Variants in TUBGCP2 observed in about 807,000 individuals in gnomAD.
The protein encoded by TUBGCP2 is tubulin gamma complex component 2.
Under a neutral mutation model 92.2 loss-of-function variants are expected in TUBGCP2, and 55 were observed. The observed-to-expected ratio is 0.60, with a 90% confidence interval of 0.48 to 0.75. The LOEUF is 0.75. TUBGCP2 is among the 30% of genes least tolerant of loss of function. TUBGCP2 has a pLI of 0.00. For missense variants in TUBGCP2, 1,093 were observed against 1,188.9 expected, an observed-to-expected ratio of 0.92 and a Z score of 1.19; for synonymous variants, 533 against 505.2, an observed-to-expected ratio of 1.06 and a Z score of -0.74.
chr10:133,282,345 A>G lies in TUBGCP2; in HGVS notation c.2290-3T>C, dbSNP rs1564933831. 1.3e-6 allele frequency: 2 copies of G among 1,583,792 alleles called. No individual in the cohort carries two copies. Among genetic ancestry groups the G allele is most frequent in the East Asian group, 2.3e-5 (1 of 44,204 alleles). On this transcript the variant is annotated splice_polypyrimidine_tract_variant and splice_region_variant and intron_variant, in intron 15 of 17. Coordinates refer to ENST00000252936, the MANE Select transcript of TUBGCP2 (RefSeq NM_006659.4). ...AATTTCATGCTCTGTGTAAATTTCTAGGGGGGGAGAGTCGCAAGGAAATGC... is the reference window on the plus strand; with the variant it reads ...AATTTCATGCTCTGTGTAAATTTCTGGGGGGGGAGAGTCGCAAGGAAATGC...
At position 133,299,412 on chromosome 10, in the gene TUBGCP2, C is replaced by A; in HGVS notation, c.456+15G>T. On this transcript the variant is annotated intron_variant, in intron 4 of 17. Transcript: ENST00000252936. Reference sequence around the variant, plus strand: ...GCTGCAGCATGGAGCCTGTGGACAGCCATGGACGCAGTACCTGCTGCAGCG... The same window carrying A: ...GCTGCAGCATGGAGCCTGTGGACAGACATGGACGCAGTACCTGCTGCAGCG... 6.3e-7 allele frequency: 1 copy of A among 1,578,168 alleles called. No individual in the cohort carries two copies. Among genetic ancestry groups the A allele is most frequent in the Non-Finnish European group, 8.6e-7 (1 of 1,165,632 alleles).
Position 133,292,753 on chromosome 10 carries a change from C to T in TUBGCP2, c.1025-65G>A, listed in dbSNP as rs796293694. 7.6e-5 allele frequency: 116 copies of T among 1,532,404 alleles called. 1 individual carries two copies. The South Asian group carries it at 1.4e-3, about 18-fold the overall frequency. The allele number at this position is 1,532,404 out of a possible 1,614,324, so 94.9% of individuals were successfully genotyped here. A position where few individuals can be genotyped will look rare whatever the true frequency, so the allele number is the denominator to read the frequency against. The stretch of plus-strand genomic sequence containing the variant: ...GCACGCCCAGCCTCTGCCAACAACA[C>T]TGCTGGGGCCCCTCATGCTTCTCCA... On this transcript the variant is annotated intron_variant, in intron 7 of 17. Coordinates refer to ENST00000252936, the MANE Select transcript of TUBGCP2 (RefSeq NM_006659.4).
chr10:133,311,955 G>A (rs751407818), upstream of TUBGCP2: 12 of 1,611,964 alleles, frequency 7.4e-6, no homozygotes, highest in Non-Finnish European at 1.0e-5. Context: ...AGGTAACGCT[G>A]GGTAAGAAAA....
At position 133,292,459 on chromosome 10, in the gene TUBGCP2, C is replaced by T. The variant is rs532307578; in HGVS notation, c.1214+40G>A. ...CGTGTCCCCCATGTCCCTCCGTGTC[C>T]CCGTGTCCCTCCGTGTCCCCGTGTC... is the stretch of plus-strand genomic sequence containing the variant. On this transcript the variant is annotated intron_variant, in intron 8 of 17. Coordinates refer to ENST00000252936, the MANE Select transcript of TUBGCP2 (RefSeq NM_006659.4). 4.2e-6 allele frequency: 3 copies of T among 710,666 alleles called. 1 individual carries two copies. Among genetic ancestry groups the T allele is most frequent in the Non-Finnish European group, 5.2e-6 (3 of 577,316 alleles). The allele number at this position is 710,666 out of a possible 1,614,324, so 44.0% of individuals were successfully genotyped here.
Position 133,281,326 on chromosome 10 carries a change from C to T in TUBGCP2, c.2520G>A (p.Leu840=), listed in dbSNP as rs1426640833. ...SAHLLDLLAR[L]SIYSTSDCEH... ...CACAGTCACTGGTGCTATAGATGCTCAGCCGGGCCAGGAGGTCCAGCAGGT... is the reference window on the plus strand; with the variant it reads ...CACAGTCACTGGTGCTATAGATGCTTAGCCGGGCCAGGAGGTCCAGCAGGT... The change falls in exon 17 of 18, where the codon CTG becomes CTA. Residue 840 remains leucine, a synonymous_variant. Coordinates refer to ENST00000252936, the MANE Select transcript of TUBGCP2 (RefSeq NM_006659.4). 1 of 1,613,420 alleles carries T rather than the reference C, an allele frequency of 6.2e-7. No homozygotes were observed. Among genetic ancestry groups the T allele is most frequent in the Non-Finnish European group, 8.5e-7 (1 of 1,179,980 alleles).
At chr10:133,299,707 G>C in intron 3 of TUBGCP2, 104 bp from the exon 4 acceptor site, 2 of 1,049,322 alleles carry the variant, frequency 1.9e-6, no homozygotes, top group Non-Finnish European at 2.8e-6. Flanking sequence ...ACCCTGACAG[G>C]CACCCATTAA....
Position 133,281,296 on chromosome 10 carries a change from G to C in TUBGCP2, c.2550C>G (p.His850Gln). The change falls in exon 17 of 18, where the codon CAC (histidine) becomes CAG (glutamine). Residue 850 changes from histidine (H) to glutamine (Q), a missense_variant. Around this residue, in one of 3 missense-constraint regions of TUBGCP2, gnomAD observed 598 missense variants for 675.5 expected, o/e 0.89. Coordinates refer to ENST00000252936, the MANE Select transcript of TUBGCP2 (RefSeq NM_006659.4). ...ACCTGGAGATGACGCTGGCCATGCC[G>C]TGCTCACAGTCACTGGTGCTATAGA... ...LSIYSTSDCEHGMASVISRLD... is the reference protein window; with the variant it reads ...LSIYSTSDCEQGMASVISRLD... The C allele has an allele frequency of 6.2e-7, 1 of 1,612,296 alleles. No individual in the cohort carries two copies. Among genetic ancestry groups the C allele is most frequent in the East Asian group, 2.2e-5 (1 of 44,882 alleles).
intron 4 of TUBGCP2, among the ~76,000 whole-genome samples, chr10:133,299,116 G>A (rs1847564137): frequency 6.6e-6 from 1 of 152,158 alleles, no homozygotes; most frequent in Non-Finnish European, 1.5e-5. Flanking sequence ...AGGGAAATGG[G>A]GAGTCAGGAT....
At chr10:133,312,102 G>A, upstream of TUBGCP2, 3 of 1,447,084 alleles carry the variant, frequency 2.1e-6, no homozygotes, top group Non-Finnish European at 2.7e-6. Context: ...GTCTGAGTGG[G>A]ATGGAAAGAG....
At chr10:133,309,736 G>C (rs150729578), upstream of TUBGCP2, 1,037 of 1,607,268 alleles carry the variant, frequency 6.5e-4, 7 homozygotes, top group African/African-American at 0.012. Flanking sequence ...TTGGTTCCTC[G>C]CACCGGAGGA....
chr10:133,311,934 T>C (rs764843962), upstream of TUBGCP2: 6 of 1,613,090 alleles, frequency 3.7e-6, no homozygotes, highest in South Asian at 1.1e-5. Context: ...CTTCTCATAC[T>C]GAATTCAGAA....
In TUBGCP2 at chr10:133,289,825, T is replaced by C; in HGVS notation, c.1359A>G (p.Thr453=). 2.7e-6 allele frequency: 1 copy of C among 368,574 alleles called. No individual in the cohort carries two copies. The highest frequency in any genetic ancestry group is 3.8e-6 in the Non-Finnish European group (1 of 261,376). 22.8% of individuals were successfully genotyped at this position (368,574 alleles called of 1,614,324 possible). ...AAGTCCCCGCCCGCTGCGCCGCACC[T>C]GTGCTGAGGATCTTGTCCGCCATTT... ...LQKMADKILS[T]GKYLNVVREC... The change falls in exon 9 of 18, where the codon ACA becomes ACG. Residue 453 remains threonine (T), a splice_region_variant and synonymous_variant. Coordinates refer to ENST00000252936, the MANE Select transcript of TUBGCP2 (RefSeq NM_006659.4).
intron 7 of TUBGCP2, 105 bp from the exon 8 acceptor site, chr10:133,292,793 A>G: frequency 7.3e-7 from 1 of 1,371,482 alleles, no homozygotes; most frequent in East Asian, 2.5e-5. Context: ...TCTTCCTGGG[A>G]CGGTGCTGCT....
At position 133,302,794 on chromosome 10, in the gene TUBGCP2, T is replaced by C; in HGVS notation, c.148A>G (p.Lys50Glu). Residue 50 changes from lysine (K) to glutamate (E), a missense_variant and splice_region_variant, in exon 2 of 18, where the codon AAG becomes GAG. Lys to Glu is a moderately conservative substitution (Grantham distance 56). Transcript: ENST00000252936. ...GCTACACCAAGGGCAGTGCTCACCT[T>C]GGCACTGTGAGCAGAGACAGTGGTA... is the stretch of plus-strand genomic sequence containing the variant. Reference protein sequence around the residue: ...VTTTVSAHSAKVKIAEFSRTP... With the variant: ...VTTTVSAHSAEVKIAEFSRTP... 6.2e-7 allele frequency: 1 copy of C among 1,612,420 alleles called. No individual in the cohort carries two copies. Among genetic ancestry groups the C allele is most frequent in the Non-Finnish European group, 8.5e-7 (1 of 1,179,942 alleles).
chr10:133,289,734 A>AAC, intron 9 of TUBGCP2, 90 bp downstream of exon 9: 1 of 1,403,388 alleles, frequency 7.1e-7, no homozygotes, highest in Non-Finnish European at 9.5e-7. Context: ...AGGGTGAGGC[A>AAC]CAGGCTCCCG....
chr10:133,298,070 G>A lies in TUBGCP2; in HGVS notation c.498C>T (p.Asn166=). 1 of 1,614,052 alleles carries A rather than the reference G, an allele frequency of 6.2e-7. No individual in the cohort carries two copies. The highest frequency in any genetic ancestry group is 8.5e-7 in the Non-Finnish European group (1 of 1,179,990). The change falls in exon 5 of 18, where the codon AAC becomes AAT. Residue 166 remains asparagine (N), a synonymous_variant. Coordinates refer to ENST00000252936, the MANE Select transcript of TUBGCP2 (RefSeq NM_006659.4). ...GGAGGTGCTGGCCTGAATTTTTTTT[G>A]TTCTGCTTGTCTCGAAGCATCTTTC... The part of the protein sequence containing the change: ...LKRKMLRDKQ[N]KKNSGQHLPI...
rs1309928695 is a variant in TUBGCP2 at position 133,282,289 on chromosome 10, C to T, written c.2343G>A (p.Glu781=). ...CGGGCAGCCCCAGGACGGTGCTGTG[C>T]TCCAGCGTCTGCCCGCCCAGCTCGC... The part of the protein sequence containing the change: ...LDGELGGQTL[E]HSTVLGLPAG... Residue 781 remains glutamate (E), a synonymous_variant, in exon 16 of 18, where the codon GAG becomes GAA. Coordinates refer to ENST00000252936, the MANE Select transcript of TUBGCP2 (RefSeq NM_006659.4). 4 of 1,607,218 alleles carry T rather than the reference C, an allele frequency of 2.5e-6. No homozygotes were observed. Among genetic ancestry groups the T allele is most frequent in the East Asian group, 4.5e-5 (2 of 44,650 alleles).
In TUBGCP2 at chr10:133,281,333, G is replaced by T. The variant is rs1320919005; in HGVS notation, c.2513C>A (p.Ala838Asp). 1.2e-6 allele frequency: 2 copies of T among 1,613,538 alleles called. No homozygotes were observed. The highest frequency in any genetic ancestry group is 4.5e-5 in the East Asian group (2 of 44,876). Residue 838 changes from alanine to aspartate, a missense_variant, in exon 17 of 18, where the codon GCC becomes GAC. By Grantham distance (126) the Ala-to-Asp change is moderately radical. Transcript: ENST00000252936. ...ACTGGTGCTATAGATGCTCAGCCGG[G>T]CCAGGAGGTCCAGCAGGTGGGCTGA... The part of the protein sequence containing the change: ...NFSAHLLDLL[A>D]RLSIYSTSDC...
intron 9 of TUBGCP2, 127 bp from the exon 10 acceptor site, chr10:133,289,147 C>T: frequency 9.1e-7 from 1 of 1,094,058 alleles, no homozygotes; most frequent in African/African-American, 1.6e-5. Flanking sequence ...GTCTGAGGCC[C>T]CAGCTGTCTT....
Sources: gnomAD v4.1 joint callset for allele counts (sites outside exome capture counted in the v4.1 genomes callset) on GRCh38, gnomAD v4.1.1 for gene constraint, gnomAD v4.1.1 regional missense constraint, MANE v1.5 for transcripts, NCBI Gene and HGNC (gene_info 2026-07-23, HGNC 2026-07-21) for gene names.